MTHFD1L: variants seen among roughly 807,000 people sequenced by gnomAD.
MTHFD1L encodes the protein methylenetetrahydrofolate dehydrogenase (NADP+ dependent) 1 like, also known as monofunctional C1-tetrahydrofolate synthase, mitochondrial.
Under a neutral mutation model 119.5 loss-of-function variants are expected in MTHFD1L, and 81 were observed. That is an observed-to-expected ratio of 0.68 (90% CI 0.57 to 0.82). The LOEUF is 0.82. MTHFD1L is among the 40% of genes least tolerant of loss of function. The pLI, the probability that MTHFD1L is intolerant of heterozygous loss-of-function variation, is 0.00. For synonymous variants in MTHFD1L, 430 were observed against 475.2 expected (o/e 0.90, Z 1.24); for missense variants, 1,125 against 1,253.4 (o/e 0.90, Z 1.55).
chr6:150,885,274 G>T (rs1782054973), intron 5 of MTHFD1L, among the ~76,000 whole-genome samples: 1 of 148,292 alleles, frequency 6.7e-6, no homozygotes, highest in Admixed American at 6.8e-5. Context: ...TCAACTCACT[G>T]CAACCTCTGC....
chr6:150,909,094 G>A (rs530637050), intron 8 of MTHFD1L, among the ~76,000 whole-genome samples: 65 of 151,942 alleles, frequency 4.3e-4, no homozygotes, highest in Non-Finnish European at 7.4e-4. Context: ...TATGGAATAC[G>A]TAATCCTAGG....
chr6:151,020,922 T>C (rs148824230), intron 24 of MTHFD1L, among the ~76,000 whole-genome samples: 219 of 152,348 alleles, frequency 1.4e-3, no homozygotes, highest in Middle Eastern at 0.014. Flanking sequence ...CCATACGTTC[T>C]TCCAGGCATG....
intron 13 of MTHFD1L, among the ~76,000 whole-genome samples, chr6:150,943,917 A>G (rs913160377): frequency 3.3e-5 from 5 of 152,214 alleles, no homozygotes; most frequent in Non-Finnish European, 5.9e-5. Flanking sequence ...ACTCCAAAGT[A>G]TATTTGATAT....
intron 26 of MTHFD1L, among the ~76,000 whole-genome samples, chr6:151,062,179 G>A (rs1321513390): frequency 6.6e-6 from 1 of 152,204 alleles, no homozygotes; most frequent in Non-Finnish European, 1.5e-5. Flanking sequence ...GCTCACGCCT[G>A]TAATCCCAGC....
intron 26 of MTHFD1L, among the ~76,000 whole-genome samples, chr6:151,040,229 G>A (rs137974460): frequency 7.9e-5 from 12 of 152,252 alleles, no homozygotes; most frequent in Middle Eastern, 3.4e-3. Context: ...TCATTCACTC[G>A]GCCAATGCTG....
chr6:150,982,059 A>G (rs564740483), intron 20 of MTHFD1L, among the ~76,000 whole-genome samples: 4 of 152,254 alleles, frequency 2.6e-5, no homozygotes, highest in Admixed American at 1.3e-4. Context: ...GCTACTTGGT[A>G]AGCTACTATG....
chr6:150,948,791 C>CAA (rs1562436865), intron 15 of MTHFD1L, among the ~76,000 whole-genome samples: 1 of 145,488 alleles, frequency 6.9e-6, no homozygotes, highest in Non-Finnish European at 1.5e-5. Context: ...CAGGCATGCG[C>CAA]CACCATGCCC....
At chr6:151,059,297 G>A (rs145638434) in intron 26 of MTHFD1L, among the ~76,000 whole-genome samples, 7 of 152,062 alleles carry the variant, frequency 4.6e-5, no homozygotes, top group Non-Finnish European at 7.4e-5. Context: ...TGCAACCTTC[G>A]CCTCCTGGGT....
intron 7 of MTHFD1L, among the ~76,000 whole-genome samples, 153 bp downstream of exon 7, chr6:150,888,134 CCAGA>C (rs1229985100): frequency 6.6e-6 from 1 of 152,198 alleles, no homozygotes; most frequent in Non-Finnish European, 1.5e-5. Flanking sequence ...AGTCTACTCA[CCAGA>C]CAAACAAACA....
intron 24 of MTHFD1L, chr6:151,022,152 G>A (rs1301540760): frequency 2.3e-6 from 1 of 437,366 alleles, no homozygotes; most frequent in Non-Finnish European, 4.8e-6. Context: ...CAGATGGCCA[G>A]GGGTGTTTCC....
At chr6:150,966,971 T>G (rs1797303191) in intron 19 of MTHFD1L, among the ~76,000 whole-genome samples, 1 of 152,226 alleles carries the variant, frequency 6.6e-6, no homozygotes, top group African/African-American at 2.4e-5. Flanking sequence ...GGGTGCAGGA[T>G]GCACAGGTGC....
At chr6:150,994,097 G>GAAAGAAAAGAAAAGAAAAGAAA (rs61147935) in intron 20 of MTHFD1L, among the ~76,000 whole-genome samples, 5 of 129,240 alleles carry the variant, frequency 3.9e-5, no homozygotes, top group African/African-American at 1.8e-4. Flanking sequence ...AAGAAAGAAA[G>GAAAGAAAAGAAAAGAAAAGAAA]TGACCCAGCA....
chr6:150,903,225 T>C (rs1785359680), intron 7 of MTHFD1L, among the ~76,000 whole-genome samples: 2 of 138,726 alleles, frequency 1.4e-5, no homozygotes, highest in African/African-American at 5.4e-5. Flanking sequence ...TTTTTTTTTT[T>C]TTTTTTTTTT....
intron 15 of MTHFD1L, 109 bp from the exon 16 acceptor site, chr6:150,948,922 A>T: frequency 1.0e-6 from 1 of 969,446 alleles, no homozygotes; most frequent in Non-Finnish European, 1.5e-6. Context: ...TTAGTTTTTT[A>T]AAAGGCTTTA....
chr6:150,987,680 GC>G (rs1778494691), intron 20 of MTHFD1L, among the ~76,000 whole-genome samples: 1 of 152,158 alleles, frequency 6.6e-6, no homozygotes, highest in Non-Finnish European at 1.5e-5. Context: ...ACCGTGCTTT[GC>G]CACCTCTGAA....
intron 15 of MTHFD1L, 49 bp downstream of exon 15, chr6:150,945,590 C>T: frequency 6.5e-7 from 1 of 1,538,458 alleles, no homozygotes; most frequent in Non-Finnish European, 8.9e-7. Flanking sequence ...CGTAGAAACG[C>T]ATCAGAAAGA....
rs570042525 is a variant in MTHFD1L, at chr6:150,926,849, A to G, written c.1256+554A>G. On this transcript the variant is annotated intron_variant, in intron 11 of 27. Transcript: ENST00000367321. The surrounding 1 kb of genome is among the most constrained non-coding windows in gnomAD (Gnocchi z 4.3). ...AAAGACAAATTCATAGTTTTTGTGA[A>G]AAGGAGTGTTTGCCTTTTTCCCCTT... Among the ~76,000 whole-genome samples, 1 of 152,174 alleles carries G rather than the reference A, an allele frequency of 6.6e-6. No individual in the cohort carries two copies. The highest frequency in any genetic ancestry group is 2.1e-4 in the South Asian group (1 of 4,822).
At chr6:151,034,436 A>G (rs1785812561) in intron 24 of MTHFD1L, 57 bp from the exon 25 acceptor site, 1 of 1,261,698 alleles carries the variant, frequency 7.9e-7, no homozygotes, top group African/African-American at 1.5e-5. Context: ...AAAGTTTTTA[A>G]AAAATCTTTA....
chr6:151,044,007 A>G (rs1312422422), intron 26 of MTHFD1L, among the ~76,000 whole-genome samples: 1 of 152,242 alleles, frequency 6.6e-6, no homozygotes, highest in African/African-American at 2.4e-5. Flanking sequence ...TTGGAATATC[A>G]TCTACAAGGA....
Sources: gnomAD v4.1 joint callset for allele counts (sites outside exome capture counted in the v4.1 genomes callset) on GRCh38, gnomAD v4.1.1 for gene constraint, Gnocchi (gnomAD v3.1) non-coding constraint, MANE v1.5 for transcripts, NCBI Gene and HGNC (gene_info 2026-07-23, HGNC 2026-07-21) for gene names.